The following PDE1A variants were observed in gnomAD, a reference collection of about 807,000 sequenced individuals.
PDE1A encodes phosphodiesterase 1A.
A neutral mutation model predicts 61.7 loss-of-function variants in PDE1A; 35 were observed. The ratio of observed to expected loss-of-function variants is 0.57; its 90% CI spans 0.43 to 0.75. The LOEUF is 0.75. PDE1A is among the 30% of genes least tolerant of loss of function. The probability of loss-of-function intolerance (pLI) is 0.00; values close to 1 mark genes in which losing one functional copy is unlikely to be tolerated. For synonymous variants in PDE1A, 232 were observed against 213.2 expected (o/e 1.09, Z -0.77); for missense variants, 597 against 630.6 (o/e 0.95, Z 0.57).
At chr2:182,271,477 C>A (rs1043608848) in intron 1 of PDE1A, among the ~76,000 whole-genome samples, 3 of 152,046 alleles carry the variant, frequency 2.0e-5, no homozygotes, top group African/African-American at 7.2e-5. Context: ...TAAACTATTT[C>A]TTTACTTCAA....
At chr2:182,619,338 C>T in the PDE1A span, among the ~76,000 whole-genome samples, 324 of 151,986 alleles carry the variant, frequency 2.1e-3, 1 homozygote, top group African/African-American at 7.3e-3. Flanking sequence ...CCCAGAAAAA[C>T]GCTATAGATC....
chr2:182,177,128 G>A (rs1684307694), intron 13 of PDE1A, among the ~76,000 whole-genome samples: 1 of 150,860 alleles, frequency 6.6e-6, no homozygotes, highest in Non-Finnish European at 1.5e-5. Flanking sequence ...GTTCATCAAG[G>A]ATATTGGTCT....
chr2:182,413,748 C>T (rs886144480), intron 1 of PDE1A, among the ~76,000 whole-genome samples: 1 of 152,146 alleles, frequency 6.6e-6, no homozygotes, highest in South Asian at 2.1e-4. Flanking sequence ...AATATTTACA[C>T]TTAACATAAA....
intron 10 of PDE1A, among the ~76,000 whole-genome samples, chr2:182,192,618 T>C (rs1029835506): frequency 1.3e-5 from 2 of 152,118 alleles, no homozygotes; most frequent in African/African-American, 4.8e-5. Context: ...AAGAAGAATT[T>C]ATATTTTTCT....
intron 1 of PDE1A, among the ~76,000 whole-genome samples, chr2:182,375,310 C>A (rs1407843435): frequency 6.6e-6 from 1 of 152,122 alleles, no homozygotes; most frequent in East Asian, 1.9e-4. Context: ...CAACTTTGAG[C>A]CTGTAAAATC....
chr2:182,320,077 A>G (rs1338520581), intron 1 of PDE1A, among the ~76,000 whole-genome samples: 2 of 152,164 alleles, frequency 1.3e-5, no homozygotes, highest in African/African-American at 4.8e-5. Flanking sequence ...TGGAAGCTAT[A>G]CAAGTCGTCT....
intron 1 of PDE1A, among the ~76,000 whole-genome samples, chr2:182,370,044 G>A (rs1230894516): frequency 6.6e-6 from 1 of 152,048 alleles, no homozygotes; most frequent in Non-Finnish European, 1.5e-5. Flanking sequence ...GGGCGTGGTG[G>A]TGGCCGCCTG....
chr2:182,171,385 C>T (rs967718903), intron 13 of PDE1A, among the ~76,000 whole-genome samples: 7 of 151,796 alleles, frequency 4.6e-5, no homozygotes, highest in Admixed American at 1.3e-4. Context: ...GAACTATAGA[C>T]GTCATTTTAG....
At chr2:182,209,309 C>G (rs970737040) in intron 7 of PDE1A, among the ~76,000 whole-genome samples, 12 of 151,984 alleles carry the variant, frequency 7.9e-5, no homozygotes, top group African/African-American at 2.9e-4. Context: ...TCTCGTGAGA[C>G]TTATTCACTA....
intron 4 of PDE1A, among the ~76,000 whole-genome samples, chr2:182,231,368 G>A (rs1223599795): frequency 1.3e-5 from 2 of 152,094 alleles, no homozygotes; most frequent in African/African-American, 4.8e-5. Flanking sequence ...AGTTACTAAA[G>A]TGATTTAATA....
At chr2:182,504,817 A>C (rs1689296903) in intron 2 of PDE1A, among the ~76,000 whole-genome samples, 1 of 152,256 alleles carries the variant, frequency 6.6e-6, no homozygotes, top group African/African-American at 2.4e-5. Context: ...ACTATTGTCC[A>C]AGCTTCATCA....
chr2:182,600,775 G>T, the PDE1A span, among the ~76,000 whole-genome samples: 1 of 152,164 alleles, frequency 6.6e-6, no homozygotes. Flanking sequence ...CTGTTTGCAA[G>T]TTGGCTCAAT....
chr2:182,614,512 G>C, the PDE1A span, among the ~76,000 whole-genome samples: 16 of 146,748 alleles, frequency 1.1e-4, no homozygotes, highest in African/African-American at 4.0e-4. Flanking sequence ...ATTTATGTAA[G>C]TTATCACTTT....
chr2:182,433,869 CA>C (rs1704078669), intron 2 of PDE1A, among the ~76,000 whole-genome samples: 1 of 152,066 alleles, frequency 6.6e-6, no homozygotes. Context: ...TGTTTCTGTA[CA>C]TACTTTTCCT....
At chr2:182,554,004 G>A in the PDE1A span, among the ~76,000 whole-genome samples, 1 of 152,144 alleles carries the variant, frequency 6.6e-6, no homozygotes, top group African/African-American at 2.4e-5. Flanking sequence ...GTTTTAGGCA[G>A]GGGGGTTACG....
the PDE1A span, among the ~76,000 whole-genome samples, chr2:182,566,273 C>T: frequency 2.6e-5 from 4 of 152,166 alleles, no homozygotes; most frequent in East Asian, 7.7e-4. Context: ...CAATTCATTT[C>T]CCATATCTAT....
chr2:182,185,085 A>C (rs1685093784), intron 13 of PDE1A, among the ~76,000 whole-genome samples: 1 of 152,192 alleles, frequency 6.6e-6, no homozygotes, highest in Non-Finnish European at 1.5e-5. Flanking sequence ...TTTTAAGAAA[A>C]GTAAGTTTAT....
intron 2 of PDE1A, among the ~76,000 whole-genome samples, chr2:182,475,425 C>T (rs1687292615): frequency 6.6e-6 from 1 of 151,922 alleles, no homozygotes; most frequent in South Asian, 2.1e-4. Context: ...GTTTTATATA[C>T]AGTATCTCAC....
chr2:182,270,463 T>C (rs1692935969), intron 1 of PDE1A, among the ~76,000 whole-genome samples: 2 of 152,076 alleles, frequency 1.3e-5, no homozygotes, highest in African/African-American at 4.8e-5. Flanking sequence ...TGTTCTCATA[T>C]GGAAAAATCC....
Sources: gnomAD v4.1 joint callset for allele counts (sites outside exome capture counted in the v4.1 genomes callset) on GRCh38, gnomAD v4.1.1 for gene constraint, MANE v1.5 for transcripts, NCBI Gene and HGNC (gene_info 2026-07-23, HGNC 2026-07-21) for gene names.